RELN: variants seen among roughly 807,000 people sequenced by gnomAD.
RELN encodes reelin.
A neutral mutation model predicts 427.6 loss-of-function variants in RELN; 108 were observed. The ratio of observed to expected loss-of-function variants is 0.25; its 90% CI spans 0.22 to 0.30. The LOEUF (loss-of-function observed/expected upper bound fraction) is 0.30. Ranked by LOEUF, RELN falls within the 10% of genes least tolerant of loss-of-function variation. RELN has a pLI of 1.00. For synonymous variants in RELN, 1,524 were observed against 1,513.4 expected (o/e 1.01, Z -0.16); for missense variants, 3,715 against 4,302.8 (o/e 0.86, Z 3.82).
intron 11 of RELN, among the ~76,000 whole-genome samples, chr7:103,670,721 G>T (rs1008228069): frequency 6.6e-6 from 1 of 151,920 alleles, no homozygotes; most frequent in Non-Finnish European, 1.5e-5. Flanking sequence ...TTATAATTCA[G>T]AGTGAAAATT....
chr7:103,829,319 C>T (rs570564945), intron 3 of RELN, among the ~76,000 whole-genome samples: 273 of 151,714 alleles, frequency 1.8e-3, no homozygotes, highest in Non-Finnish European at 2.3e-3. Flanking sequence ...CCTCCTTCCT[C>T]CTCTCCTCCT....
chr7:103,947,113 A>G (rs1057267123), intron 1 of RELN, among the ~76,000 whole-genome samples: 24 of 152,210 alleles, frequency 1.6e-4, no homozygotes, highest in African/African-American at 5.5e-4. Context: ...AAACTAAACA[A>G]CAGTCATAAT....
intron 11 of RELN, among the ~76,000 whole-genome samples, chr7:103,678,846 T>C (rs1396662364): frequency 6.6e-6 from 1 of 152,206 alleles, no homozygotes; most frequent in African/African-American, 2.4e-5. Context: ...GGATTTGCCA[T>C]CTATGTTTTC....
At chr7:103,837,537 T>C (rs1793440008) in intron 2 of RELN, among the ~76,000 whole-genome samples, 1 of 152,224 alleles carries the variant, frequency 6.6e-6, no homozygotes, top group Non-Finnish European at 1.5e-5. Flanking sequence ...CTAACTTCTA[T>C]GTGCTCTTCA....
Position 103,561,394 on chromosome 7 carries a change from T to G in RELN, c.5529+138A>C, listed in dbSNP as rs1830638033. ...ATTGCACTCAGAAGAGGAAACATGGTTTGGGCTAAAAGTCAATAACTATGT... is the reference window on the plus strand; with the variant it reads ...ATTGCACTCAGAAGAGGAAACATGGGTTGGGCTAAAAGTCAATAACTATGT... On this transcript the variant is annotated intron_variant, in intron 36 of 64. Transcript: ENST00000428762. 3 of 781,312 alleles carry G rather than the reference T, an allele frequency of 3.8e-6. No individual in the cohort carries two copies. In the East Asian group the frequency reaches 7.9e-5, roughly 21 times the overall value. The allele number at this position is 781,312 out of a possible 1,614,324, so 48.4% of individuals were successfully genotyped here. A position where few individuals can be genotyped will look rare whatever the true frequency, so the allele number is the denominator to read the frequency against.
chr7:103,719,585 C>G (rs943068476), intron 8 of RELN, among the ~76,000 whole-genome samples: 14 of 126,596 alleles, frequency 1.1e-4, no homozygotes, highest in African/African-American at 4.9e-4. Flanking sequence ...AACAAATATT[C>G]AGTGAAATTT....
At chr7:103,890,462 C>T (rs919818128) in intron 2 of RELN, among the ~76,000 whole-genome samples, 1 of 152,120 alleles carries the variant, frequency 6.6e-6, no homozygotes, top group African/African-American at 2.4e-5. Context: ...CTCACAGAAG[C>T]ACAAACCCTA....
Position 103,640,492 on chromosome 7 carries a change from T to C in RELN, c.2069+51A>G, listed in dbSNP as rs371095258. On this transcript the variant is annotated intron_variant, in intron 17 of 64. Transcript: ENST00000428762. This position sits in a 1 kb window ranked among gnomAD's most constrained non-coding sequence, Gnocchi z 4.1. ...TTAAATGACTTGCGACTTCAACACA[T>C]ACATTACACATCAAAAAGGAGAAGC... The C allele has an allele frequency of 1.1e-4, 169 of 1,571,536 alleles. 1 individual carries two copies. In the African/African-American group the frequency reaches 1.7e-3, roughly 16 times the overall value.
At chr7:103,875,830 A>G (rs544893865) in intron 2 of RELN, among the ~76,000 whole-genome samples, 3 of 152,274 alleles carry the variant, frequency 2.0e-5, no homozygotes, top group East Asian at 3.9e-4. Flanking sequence ...TTGGAGAAAG[A>G]TGATTCTGAA....
chr7:103,676,021 A>T (rs1271236130), intron 11 of RELN, among the ~76,000 whole-genome samples: 1 of 152,190 alleles, frequency 6.6e-6, no homozygotes, highest in Admixed American at 6.5e-5. Context: ...TGGCAACAAA[A>T]GCCAAAATTG....
At chr7:103,962,046 T>C (rs935456187) in intron 1 of RELN, among the ~76,000 whole-genome samples, 4 of 152,182 alleles carry the variant, frequency 2.6e-5, no homozygotes, top group African/African-American at 7.2e-5. Flanking sequence ...TATTTCTTTT[T>C]CTTTTCCTTT....
At chr7:103,521,334 T>G (rs1829705207) in intron 48 of RELN, among the ~76,000 whole-genome samples, 1 of 152,234 alleles carries the variant, frequency 6.6e-6, no homozygotes, top group African/African-American at 2.4e-5. Context: ...TACAAGAAAT[T>G]GTATTTTAAA....
intron 1 of RELN, among the ~76,000 whole-genome samples, chr7:103,951,492 T>C (rs754059867): frequency 3.9e-5 from 6 of 152,154 alleles, no homozygotes; most frequent in Admixed American, 6.5e-5. Flanking sequence ...GGAGGAATGT[T>C]CATCTCTACT....
chr7:103,772,539 G>T (rs965890484), intron 4 of RELN, among the ~76,000 whole-genome samples: 2 of 152,212 alleles, frequency 1.3e-5, no homozygotes, highest in African/African-American at 4.8e-5. Context: ...ATTCTGTAGA[G>T]AGAGTTATGT....
intron 2 of RELN, among the ~76,000 whole-genome samples, chr7:103,860,566 C>T (rs1206949882): frequency 6.6e-6 from 1 of 152,086 alleles, no homozygotes; most frequent in Non-Finnish European, 1.5e-5. Context: ...ATCCTCACTG[C>T]AACTCTGTGA....
At chr7:103,488,156 A>G (rs1185463176) in intron 60 of RELN, among the ~76,000 whole-genome samples, 1 of 152,200 alleles carries the variant, frequency 6.6e-6, no homozygotes, top group Non-Finnish European at 1.5e-5. Flanking sequence ...TCTCAAAAAA[A>G]AAAAAGATAT....
chr7:103,476,514 C>A lies in RELN; in HGVS notation c.10286+1875G>T, dbSNP rs569893970. 5.5e-4 allele frequency among the ~76,000 whole-genome samples: 84 copies of A among 152,144 alleles called. 1 individual carries two copies. Among genetic ancestry groups the A allele is most frequent in the African/African-American group, 2.0e-3 (83 of 41,512 alleles). ...AACAAACAAACAAACAAAAAAACCA[C>A]ACTATCAAAGCATCGTGGAAACTAG... On this transcript the variant is annotated intron_variant, in intron 64 of 64. Transcript: ENST00000428762.
intron 1 of RELN, among the ~76,000 whole-genome samples, chr7:103,931,427 A>G (rs1478213178): frequency 6.6e-6 from 1 of 152,170 alleles, no homozygotes; most frequent in Non-Finnish European, 1.5e-5. Context: ...AGCTTACCAC[A>G]TTCTATCTCA....
intron 3 of RELN, among the ~76,000 whole-genome samples, chr7:103,798,742 C>A (rs1466234839): frequency 2.6e-5 from 4 of 152,138 alleles, no homozygotes; most frequent in African/African-American, 9.7e-5. Flanking sequence ...TAGGTGCATA[C>A]CTCCTTAGAA....
Sources: allele counts gnomAD v4.1 joint callset (sites outside exome capture counted in the v4.1 genomes callset), GRCh38; gene constraint gnomAD v4.1.1; non-coding constraint Gnocchi (gnomAD v3.1); transcripts MANE v1.5; gene names NCBI Gene and HGNC (gene_info 2026-07-23, HGNC 2026-07-21).